Variants in B3GAT1 observed in about 807,000 individuals in gnomAD.
B3GAT1 encodes beta-1,3-glucuronyltransferase 1.
A neutral mutation model predicts 28.4 loss-of-function variants in B3GAT1; 11 were observed. The ratio of observed to expected loss-of-function variants is 0.39; its 90% confidence interval spans 0.24 to 0.64. The LOEUF is 0.64. B3GAT1 is among the 30% of genes least tolerant of loss of function. The pLI, the probability that B3GAT1 is intolerant of heterozygous loss-of-function variation, is 0.50. For missense variants in B3GAT1, 375 were observed against 491.0 expected (o/e 0.76, Z 2.23); for synonymous variants, 255 against 223.1 (o/e 1.14, Z -1.27).
At chr11:134,399,630 ATGC>A (rs1418966268) in intron 1 of B3GAT1, among the ~76,000 whole-genome samples, 1 of 152,190 alleles carries the variant, frequency 6.6e-6, no homozygotes, top group Non-Finnish European at 1.5e-5. Context: ...AAAGGCTGGG[ATGC>A]CCTAGAATCC....
In B3GAT1 at chr11:134,384,014, G is replaced by C; in HGVS notation, c.287C>G (p.Pro96Arg). 2 of 1,605,280 alleles carry C rather than the reference G, an allele frequency of 1.2e-6. No homozygotes were observed. The highest frequency in any genetic ancestry group is 1.3e-5 in the African/African-American group (1 of 75,010). ...GCGCGTCAGCTCGGCCTTCTGCACCGGGCGGCTGTAGGTGGGCGTCACCAC... is the reference window on the plus strand; with the variant it reads ...GCGCGTCAGCTCGGCCTTCTGCACCCGGCGGCTGTAGGTGGGCGTCACCAC... ...IHVVTPTYSR[P>R]VQKAELTRMA... is the part of the protein sequence containing the mutation. Residue 96 changes from proline to arginine, a missense_variant, in exon 3 of 6, where the codon CCG (proline) becomes CGG (arginine). Transcript: ENST00000312527.
chr11:134,382,745 T>C lies in B3GAT1; in HGVS notation c.883A>G (p.Asn295Asp). 1 of 1,614,028 alleles carries C rather than the reference T, an allele frequency of 6.2e-7. No individual in the cohort carries two copies. The highest frequency in any genetic ancestry group is 8.5e-7 in the Non-Finnish European group (1 of 1,179,916). Reference sequence around the variant, plus strand: ...TTGGCTGCCTTGGGCTCCAGGTCGTTGAGGGTGACAAGTTCTCGAAGGAGG... The same window carrying C: ...TTGGCTGCCTTGGGCTCCAGGTCGTCGAGGGTGACAAGTTCTCGAAGGAGG... ...SSLLRELVTL[N>D]DLEPKAANCT... is the part of the protein sequence containing the mutation. Residue 295 changes from asparagine (N) to aspartate (D), a missense_variant, in exon 4 of 6, where the codon AAC (asparagine) becomes GAC (aspartate). Coordinates refer to ENST00000312527, the MANE Select transcript of B3GAT1 (RefSeq NM_054025.3).
chr11:134,393,423 A>G lies in B3GAT1; in HGVS notation c.-281-5483T>C, dbSNP rs1268720308. 6.6e-6 allele frequency among the ~76,000 whole-genome samples: 1 copy of G among 152,184 alleles called. No homozygotes were observed. The highest frequency in any genetic ancestry group is 1.9e-4 in the East Asian group (1 of 5,186). On this transcript the variant is annotated intron_variant, in intron 1 of 5. Coordinates refer to ENST00000312527, the MANE Select transcript of B3GAT1 (RefSeq NM_054025.3). This position sits in a 1 kb window ranked among gnomAD's most constrained non-coding sequence, Gnocchi z 4.0. The stretch of plus-strand genomic sequence containing the variant: ...GGGAGGTCTGTGCTGACCGTCTGAC[A>G]TCAGCCACATCGCAGCATCCCGCTG...
At chr11:134,394,925 G>T (rs2136323258) in intron 1 of B3GAT1, among the ~76,000 whole-genome samples, 1 of 152,150 alleles carries the variant, frequency 6.6e-6, no homozygotes, top group African/African-American at 2.4e-5. Flanking sequence ...ATAGTCTTTG[G>T]CTTTGATTTT....
Position 134,383,788 on chromosome 11 carries a change from G to T in B3GAT1, c.513C>A (p.Asn171Lys). The T allele has an allele frequency of 6.3e-7, 1 of 1,597,828 alleles. No homozygotes were observed. Residue 171 changes from asparagine (N) to lysine (K), a missense_variant, in exon 3 of 6, where the codon AAC becomes AAA. Transcript: ENST00000312527. ...PRIPRGTMQR[N>K]LALRWLRETF... is the part of the protein sequence containing the mutation. ...TCTCGCGCAGCCAGCGCAGGGCCAG[G>T]TTGCGCTGCATGGTGCCCCGCGGGA...
At chr11:134,404,031 T>TATATATA (rs1565459472) in intron 1 of B3GAT1, among the ~76,000 whole-genome samples, 14 of 90,394 alleles carry the variant, frequency 1.5e-4, no homozygotes, top group Admixed American at 5.0e-4. Flanking sequence ...ATATATATAT[T>TATATATA]TATTATACGT....
rs967426306 is a variant in B3GAT1, at chr11:134,379,047, T to G, written c.*1715A>C. The G allele has an allele frequency of 6.6e-6, 1 of 152,156 alleles. No individual in the cohort carries two copies. The highest frequency in any genetic ancestry group is 2.4e-5 in the African/African-American group (1 of 41,430). The allele number at this position is 152,156 out of a possible 1,614,324, so 9.4% of individuals were successfully genotyped here. ...TCTCTCCCATGCCACCCCACTTGCTTCCAAGGGCTTGGTTTCCAAAGTGAC... is the reference window on the plus strand; with the variant it reads ...TCTCTCCCATGCCACCCCACTTGCTGCCAAGGGCTTGGTTTCCAAAGTGAC... On this transcript the variant is annotated 3_prime_UTR_variant, in exon 6 of 6. Coordinates refer to ENST00000312527, the MANE Select transcript of B3GAT1 (RefSeq NM_054025.3).
At position 134,401,129 on chromosome 11, in the gene B3GAT1, G is replaced by A. The variant is rs532463280; in HGVS notation, c.-282+10678C>T. Among the ~76,000 whole-genome samples, 9 of 152,318 alleles carry A rather than the reference G, an allele frequency of 5.9e-5. No homozygotes were observed. In the East Asian group the frequency reaches 1.3e-3, roughly 23 times the overall value. Reference sequence around the variant, plus strand: ...AGGCTGTGGAGAAAAGGGAACACTCGTACATTGTTGGTGGGAATGTAGATG... The same window carrying A: ...AGGCTGTGGAGAAAAGGGAACACTCATACATTGTTGGTGGGAATGTAGATG... On this transcript the variant is annotated intron_variant, in intron 1 of 5. Coordinates refer to ENST00000312527, the MANE Select transcript of B3GAT1 (RefSeq NM_054025.3).
At chr11:134,387,409 A>T in intron 2 of B3GAT1, 139 bp downstream of exon 2, 1 of 1,147,218 alleles carries the variant, frequency 8.7e-7, no homozygotes, top group Non-Finnish European at 1.2e-6. Flanking sequence ...AAGGGGTGCA[A>T]GACTCATGAA....
intron 1 of B3GAT1, among the ~76,000 whole-genome samples, chr11:134,397,566 C>T (rs1446429394): frequency 7.1e-6 from 1 of 141,066 alleles, no homozygotes; most frequent in Non-Finnish European, 1.5e-5. Context: ...CCCATTCCCA[C>T]CCAGAGGGCA....
chr11:134,387,235 A>C, intron 2 of B3GAT1: 1 of 300,694 alleles, frequency 3.3e-6, no homozygotes, highest in Non-Finnish European at 6.2e-6. Flanking sequence ...TTCACTTCCC[A>C]CCTCCGACCT....
At chr11:134,403,326 C>G (rs1169461748) in intron 1 of B3GAT1, among the ~76,000 whole-genome samples, 1 of 152,212 alleles carries the variant, frequency 6.6e-6, no homozygotes, top group African/African-American at 2.4e-5. Flanking sequence ...TCCCTTCACA[C>G]CGGTACGTTT....
intron 1 of B3GAT1, among the ~76,000 whole-genome samples, chr11:134,410,967 T>C (rs1196938252): frequency 1.3e-5 from 2 of 152,208 alleles, no homozygotes; most frequent in East Asian, 3.9e-4. Context: ...CAGCTCCAGC[T>C]TCTACAAGAA....
At position 134,384,571 on chromosome 11, in the gene B3GAT1, GT is replaced by G. The variant is rs1483576535; in HGVS notation, c.113-384del. On this transcript the variant is annotated intron_variant, in intron 2 of 5. Transcript: ENST00000312527. ...TGGAGGGAGCTGGCCACACTGCCCT[GT>G]GCAGGGCTGGGCTAGCAGAGCACGT... The G allele has an allele frequency of 7.1e-5, 16 of 224,384 alleles. No individual in the cohort carries two copies. In the East Asian group the frequency reaches 1.4e-3, roughly 20 times the overall value. The allele number at this position is 224,384 out of a possible 1,614,324, so 13.9% of individuals were successfully genotyped here.
At chr11:134,391,715 G>A (rs1277866363) in intron 1 of B3GAT1, 1 of 152,522 alleles carries the variant, frequency 6.6e-6, no homozygotes, top group Non-Finnish European at 1.5e-5. Context: ...GGCAGTGTGT[G>A]TGAGTGTAGG....
chr11:134,406,697 T>C (rs1451222275), intron 1 of B3GAT1, among the ~76,000 whole-genome samples: 1 of 152,262 alleles, frequency 6.6e-6, no homozygotes, highest in African/African-American at 2.4e-5. Context: ...TTAACTGTAA[T>C]GACTCATTTC....
At chr11:134,400,035 C>T (rs1483291452) in intron 1 of B3GAT1, among the ~76,000 whole-genome samples, 2 of 152,142 alleles carry the variant, frequency 1.3e-5, no homozygotes, top group South Asian at 2.1e-4. Context: ...GTCATGCTGC[C>T]CTAGGCTGCT....
At chr11:134,403,882 G>T (rs964297567) in intron 1 of B3GAT1, among the ~76,000 whole-genome samples, 7 of 150,582 alleles carry the variant, frequency 4.6e-5, no homozygotes, top group Admixed American at 4.0e-4. Flanking sequence ...GAGGTATCCA[G>T]AGTAGTAAAA....
chr11:134,400,096 A>T (rs961856298), intron 1 of B3GAT1, among the ~76,000 whole-genome samples: 1 of 151,994 alleles, frequency 6.6e-6, no homozygotes, highest in Non-Finnish European at 1.5e-5. Context: ...GGTGCTGGCG[A>T]GGGGAGACTC....
Sources: allele counts gnomAD v4.1 joint callset (sites outside exome capture counted in the v4.1 genomes callset), GRCh38; gene constraint gnomAD v4.1.1; non-coding constraint Gnocchi (gnomAD v3.1); transcripts MANE v1.5; gene names NCBI Gene and HGNC (gene_info 2026-07-23, HGNC 2026-07-21).